Variants in PIBF1 observed in about 807,000 individuals in gnomAD.
The protein encoded by PIBF1 is progesterone immunomodulatory binding factor 1.
Under a neutral mutation model 112.5 loss-of-function variants are expected in PIBF1, and 90 were observed. The observed-to-expected ratio is 0.80, with a 90% confidence interval of 0.67 to 0.95. PIBF1 has a LOEUF of 0.95. Ranked by LOEUF, PIBF1 falls within the 40% of genes least tolerant of loss-of-function variation. The probability of loss-of-function intolerance (pLI) is 0.00; values close to 1 mark genes in which losing one functional copy is unlikely to be tolerated. For missense variants in PIBF1, 915 were observed against 852.3 expected, an observed-to-expected ratio of 1.07 and a Z score of -0.92; for synonymous variants, 301 against 288.6, an observed-to-expected ratio of 1.04 and a Z score of -0.44.
chr13:72,789,653 T>G (rs576936894), intron 2 of PIBF1, among the ~76,000 whole-genome samples: 18 of 149,078 alleles, frequency 1.2e-4, no homozygotes, highest in South Asian at 4.3e-4. Flanking sequence ...GAAAAAAATG[T>G]TTTTTTTTTC....
intron 5 of PIBF1, among the ~76,000 whole-genome samples, chr13:72,810,234 A>G (rs1208179268): frequency 2.6e-5 from 4 of 152,094 alleles, no homozygotes; most frequent in East Asian, 3.9e-4. Flanking sequence ...ATCACATGCA[A>G]CTCAGCTATA....
intron 2 of PIBF1, among the ~76,000 whole-genome samples, chr13:72,789,705 A>C (rs926794245): frequency 1.3e-5 from 2 of 151,942 alleles, no homozygotes; most frequent in African/African-American, 4.8e-5. Context: ...GCTTGGGACC[A>C]GAAATATTTC....
intron 13 of PIBF1, among the ~76,000 whole-genome samples, chr13:72,919,054 C>T (rs1187091799): frequency 2.0e-5 from 3 of 152,108 alleles, no homozygotes; most frequent in African/African-American, 7.2e-5. Flanking sequence ...TAACTCAGTG[C>T]AGGATACCTA....
At chr13:72,863,657 CAAA>C (rs529449867) in intron 10 of PIBF1, among the ~76,000 whole-genome samples, 3 of 54,404 alleles carry the variant, frequency 5.5e-5, no homozygotes, top group Admixed American at 1.9e-4. Context: ...GACTCCGTCT[CAAA>C]AAAAAAAAAA....
At chr13:73,013,380 C>T (rs1312337443) in intron 17 of PIBF1, among the ~76,000 whole-genome samples, 3 of 141,770 alleles carry the variant, frequency 2.1e-5, no homozygotes, top group Non-Finnish European at 4.6e-5. Flanking sequence ...ATATTTGAAA[C>T]GGTGACAGAA....
At chr13:73,005,352 G>T (rs929626085) in intron 17 of PIBF1, among the ~76,000 whole-genome samples, 2 of 150,710 alleles carry the variant, frequency 1.3e-5, no homozygotes, top group African/African-American at 4.9e-5. Context: ...ATGTGCCTAT[G>T]ATGCTAAGCT....
At chr13:72,959,610 A>G (rs1226387976) in intron 14 of PIBF1, among the ~76,000 whole-genome samples, 1 of 152,222 alleles carries the variant, frequency 6.6e-6, no homozygotes, top group Non-Finnish European at 1.5e-5. Context: ...AAAACTCCAC[A>G]TGTAGGAAAA....
At chr13:72,882,610 A>G (rs749041091) in intron 10 of PIBF1, among the ~76,000 whole-genome samples, 13 of 152,226 alleles carry the variant, frequency 8.5e-5, no homozygotes, top group Non-Finnish European at 1.6e-4. Context: ...TAATAATCCA[A>G]TTTTTAAATG....
intron 14 of PIBF1, among the ~76,000 whole-genome samples, chr13:72,958,457 T>G (rs2042513731): frequency 6.6e-6 from 1 of 152,188 alleles, no homozygotes; most frequent in African/African-American, 2.4e-5. Context: ...GAATTTTCCT[T>G]ACTTGGACCA....
In PIBF1 at chr13:72,973,671, G is replaced by A. The variant is rs757822050; in HGVS notation, c.2045G>A (p.Arg682His). The change falls in exon 16 of 18, where the codon CGT becomes CAT. Residue 682 changes from arginine (R) to histidine (H), a missense_variant. By Grantham distance (29) the Arg-to-His change is conservative. Transcript: ENST00000326291. ...GATTTAGAACAACTTCTAAATCATC[G>A]TGAGGTATTTTTCCTATTTTGTCAT... ...ALDLEQLLNH[R>H]EELAAMKQIL... is the part of the protein sequence containing the mutation. The A allele has an allele frequency of 3.8e-5, 58 of 1,523,588 alleles. No homozygotes were observed. The East Asian group carries it at 9.5e-4, about 25-fold the overall frequency. The allele number at this position is 1,523,588 out of a possible 1,614,324, so 94.4% of individuals were successfully genotyped here. A position where few individuals can be genotyped will look rare whatever the true frequency, so the allele number is the denominator to read the frequency against.
chr13:72,969,524 C>T (rs2042835676), intron 15 of PIBF1: 1 of 152,168 alleles, frequency 6.6e-6, no homozygotes, highest in Admixed American at 6.5e-5. Flanking sequence ...AGTTTAATTA[C>T]AACACTTGAG....
intron 16 of PIBF1, among the ~76,000 whole-genome samples, chr13:72,998,598 C>T (rs1248887269): frequency 1.3e-5 from 2 of 152,102 alleles, no homozygotes; most frequent in African/African-American, 4.8e-5. Context: ...TGCAGAAAAA[C>T]GTGGAAACCA....
At chr13:72,946,218 A>G (rs2042145639) in intron 14 of PIBF1, among the ~76,000 whole-genome samples, 1 of 152,174 alleles carries the variant, frequency 6.6e-6, no homozygotes, top group South Asian at 2.1e-4. Context: ...CCTTCTTCAC[A>G]TGGTGGCAGC....
At chr13:72,813,230 A>G (rs1292302844) in intron 5 of PIBF1, among the ~76,000 whole-genome samples, 1 of 152,176 alleles carries the variant, frequency 6.6e-6, no homozygotes, top group Non-Finnish European at 1.5e-5. Context: ...ATTGCTGTTT[A>G]GGCTTAGTTG....
chr13:72,785,974 A>G (rs2034577610), intron 2 of PIBF1, among the ~76,000 whole-genome samples: 1 of 152,196 alleles, frequency 6.6e-6, no homozygotes, highest in African/African-American at 2.4e-5. Flanking sequence ...TCCAAATTAC[A>G]GTTCTAGATG....
At chr13:72,926,869 CA>C (rs1277263110) in intron 13 of PIBF1, among the ~76,000 whole-genome samples, 1 of 152,152 alleles carries the variant, frequency 6.6e-6, no homozygotes, top group African/African-American at 2.4e-5. Context: ...CTGTCTTCCT[CA>C]GTAGACTATT....
chr13:72,931,196 G>A lies in PIBF1; in HGVS notation c.1762G>A (p.Glu588Lys), dbSNP rs1297596367. Residue 588 changes from glutamate (E) to lysine (K), a missense_variant, in exon 14 of 18, where the codon GAA becomes AAA. By Grantham distance (56) the Glu-to-Lys change is moderately conservative. Transcript: ENST00000326291. ...CTTGGCAAGAAGAGTGCTTCAATTA[G>A]AAAAACAAAACTCGCTGATTTTAAA... ...VHLARRVLQLEKQNSLILKDL... is the reference protein window; with the variant it reads ...VHLARRVLQLKKQNSLILKDL... 1 of 1,612,630 alleles carries A rather than the reference G, an allele frequency of 6.2e-7. No homozygotes were observed. Among genetic ancestry groups the A allele is most frequent in the Non-Finnish European group, 8.5e-7 (1 of 1,179,206 alleles).
chr13:72,892,902 A>C (rs1438028681), intron 10 of PIBF1, among the ~76,000 whole-genome samples: 8 of 152,028 alleles, frequency 5.3e-5, no homozygotes, highest in Non-Finnish European at 1.0e-4. Flanking sequence ...TGAAGCACTT[A>C]CCATTGAATT....
intron 2 of PIBF1, among the ~76,000 whole-genome samples, chr13:72,787,838 T>G (rs3782937): frequency 0.21 from 31,676 of 151,860 alleles, 3,397 homozygotes; most frequent in Middle Eastern, 0.27. Context: ...TTTGTATTTT[T>G]GGTAGAGATG....
Sources: gnomAD v4.1 joint callset for allele counts (sites outside exome capture counted in the v4.1 genomes callset) on GRCh38, gnomAD v4.1.1 for gene constraint, MANE v1.5 for transcripts, NCBI Gene and HGNC (gene_info 2026-07-23, HGNC 2026-07-21) for gene names.